Variants in SEL1L observed in about 807,000 individuals in gnomAD.
The protein encoded by SEL1L is SEL1L adaptor subunit of SYVN1 ubiquitin ligase.
In SEL1L, 52 loss-of-function variants were observed where a neutral mutation model predicts 109.8. The ratio of observed to expected loss-of-function variants is 0.47; its 90% CI spans 0.38 to 0.60. The LOEUF (loss-of-function observed/expected upper bound fraction) is 0.60, where lower values mean the gene tolerates loss of function less well. Among genes scored for constraint, SEL1L ranks in the 20% least tolerant of loss-of-function variants. SEL1L has a pLI of 0.00. For synonymous variants in SEL1L, 373 were observed against 339.6 expected (o/e 1.10, Z -1.08); for missense variants, 749 against 962.2 (o/e 0.78, Z 2.93).
chr14:81,524,269 G>A (rs760820919), intron 3 of SEL1L, among the ~76,000 whole-genome samples: 7 of 152,166 alleles, frequency 4.6e-5, no homozygotes, highest in Non-Finnish European at 7.3e-5. Flanking sequence ...TGAGATCAGG[G>A]TGATACCACC....
intron 2 of SEL1L, 77 bp downstream of exon 2, chr14:81,527,624 A>G: frequency 9.5e-7 from 1 of 1,056,354 alleles, no homozygotes; most frequent in African/African-American, 1.6e-5. Flanking sequence ...TGCAGACCTC[A>G]TATCCTTTCT....
intron 5 of SEL1L, among the ~76,000 whole-genome samples, chr14:81,503,193 T>G (rs1049175730): frequency 1.3e-5 from 2 of 152,144 alleles, no homozygotes; most frequent in African/African-American, 4.8e-5. Flanking sequence ...GGTTTCACCA[T>G]GTTGGTCAGG....
At chr14:81,480,408 C>A (rs1292374707) in intron 19 of SEL1L, among the ~76,000 whole-genome samples, 2 of 152,158 alleles carry the variant, frequency 1.3e-5, no homozygotes, top group African/African-American at 2.4e-5. Context: ...CCAGGATGGT[C>A]TCGATCTCCT....
intron 3 of SEL1L, among the ~76,000 whole-genome samples, chr14:81,523,437 C>T (rs1457773801): frequency 1.3e-5 from 2 of 152,026 alleles, no homozygotes; most frequent in Admixed American, 6.6e-5. Context: ...CTCTGCAGTC[C>T]TTCTCCCATA....
chr14:81,521,967 G>A (rs756256175), intron 3 of SEL1L, among the ~76,000 whole-genome samples: 14 of 152,042 alleles, frequency 9.2e-5, no homozygotes, highest in Admixed American at 4.6e-4. Context: ...CTGTGTAGGC[G>A]TAGGCTAATG....
At chr14:81,523,170 C>T (rs556089532) in intron 3 of SEL1L, among the ~76,000 whole-genome samples, 1 of 152,244 alleles carries the variant, frequency 6.6e-6, no homozygotes, top group East Asian at 1.9e-4. Context: ...TGGGATAGGA[C>T]TTGGTTGCCA....
Position 81,479,602 on chromosome 14 carries a change from G to T in SEL1L, c.2175+10C>A. ...TTATATTTTAATGAAAAGAGGTACG[G>T]ACCACTTACGTTTGTTTCCCGTATG... On this transcript the variant is annotated intron_variant, in intron 20 of 20. Transcript: ENST00000336735. 1 of 1,601,198 alleles carries T rather than the reference G, an allele frequency of 6.2e-7. No homozygotes were observed. Among genetic ancestry groups the T allele is most frequent in the South Asian group, 1.1e-5 (1 of 88,564 alleles).
intron 3 of SEL1L, among the ~76,000 whole-genome samples, chr14:81,515,939 A>G (rs1328122026): frequency 6.6e-6 from 1 of 152,206 alleles, no homozygotes; most frequent in Admixed American, 6.5e-5. Context: ...CCTCCAGACA[A>G]ACAAACCTTG....
Position 81,475,668 on chromosome 14 carries a change from TTTAA to T in SEL1L, c.*1300_*1303del, listed in dbSNP as rs1447553740. 6.6e-6 allele frequency: 1 copy of T among 152,238 alleles called. No homozygotes were observed. Among genetic ancestry groups the T allele is most frequent in the African/African-American group, 2.4e-5 (1 of 41,460 alleles). The allele number at this position is 152,238 out of a possible 1,614,324, so 9.4% of individuals were successfully genotyped here. A position where few individuals can be genotyped will look rare whatever the true frequency, so the allele number is the denominator to read the frequency against. On this transcript the variant is annotated 3_prime_UTR_variant, in exon 21 of 21. Transcript: ENST00000336735. The stretch of plus-strand genomic sequence containing the variant: ...AATGAAATACAAATTCAGTTTAAGC[TTTAA>T]TTATTTCACGTGTGTAATTATGTGA...
At chr14:81,506,006 A>G in intron 4 of SEL1L, 68 bp downstream of exon 4, 1 of 1,439,910 alleles carries the variant, frequency 6.9e-7, no homozygotes, top group Non-Finnish European at 9.4e-7. Context: ...ATGGCTAGAA[A>G]AAGGCCTTAA....
chr14:81,508,769 A>G (rs1884343365), intron 3 of SEL1L, among the ~76,000 whole-genome samples: 1 of 152,236 alleles, frequency 6.6e-6, no homozygotes, highest in Non-Finnish European at 1.5e-5. Flanking sequence ...GTTTAAAAGA[A>G]TTAACACTTC....
intron 3 of SEL1L, among the ~76,000 whole-genome samples, chr14:81,508,002 T>C (rs1197174879): frequency 2.0e-5 from 3 of 152,214 alleles, no homozygotes; most frequent in South Asian, 2.1e-4. Flanking sequence ...ACAGTCCTTA[T>C]TGTTTGCAAA....
At chr14:81,511,986 T>C (rs975264360) in intron 3 of SEL1L, among the ~76,000 whole-genome samples, 5 of 152,204 alleles carry the variant, frequency 3.3e-5, no homozygotes, top group African/African-American at 1.2e-4. Flanking sequence ...AAAAAAGAAG[T>C]TCTGGACCTT....
chr14:81,474,903 T>A lies in SEL1L; in HGVS notation c.*2069A>T, dbSNP rs1258876437. 1.3e-5 allele frequency: 2 copies of A among 152,204 alleles called. No homozygotes were observed. The highest frequency in any genetic ancestry group is 2.9e-5 in the Non-Finnish European group (2 of 68,040). The allele number at this position is 152,204 out of a possible 1,614,324, so 9.4% of individuals were successfully genotyped here. On this transcript the variant is annotated 3_prime_UTR_variant, in exon 21 of 21. Transcript: ENST00000336735. Reference sequence around the variant, plus strand: ...CCAGCCTTAGGTGGCACACACTGTTTTAAGAAATGTTTTCTCAAAGCACGT... The same window carrying A: ...CCAGCCTTAGGTGGCACACACTGTTATAAGAAATGTTTTCTCAAAGCACGT...
chr14:81,509,958 G>A (rs751036641), intron 3 of SEL1L, among the ~76,000 whole-genome samples: 1 of 152,128 alleles, frequency 6.6e-6, no homozygotes, highest in Non-Finnish European at 1.5e-5. Flanking sequence ...ATACACTATG[G>A]GGCAGCCATT....
chr14:81,496,140 G>T (rs1051998826), intron 10 of SEL1L, among the ~76,000 whole-genome samples: 2 of 151,934 alleles, frequency 1.3e-5, no homozygotes, highest in African/African-American at 4.8e-5. Context: ...TGGATAACAT[G>T]GTGAAACCCT....
chr14:81,491,819 TAA>T lies in SEL1L; in HGVS notation c.1254+659_1254+660del, dbSNP rs531180198. ...AGAGGTGGGTCATGGCTATCACATT[TAA>T]GACAATTAAAAACTCTGCAGATAAA... On this transcript the variant is annotated intron_variant, in intron 12 of 20. Coordinates refer to ENST00000336735, the MANE Select transcript of SEL1L (RefSeq NM_005065.6). 3.9e-5 allele frequency among the ~76,000 whole-genome samples: 6 copies of T among 152,342 alleles called. No individual in the cohort carries two copies. The East Asian group carries it at 1.2e-3, about 29-fold the overall frequency.
At chr14:81,530,857 A>G (rs1013825963) in intron 1 of SEL1L, among the ~76,000 whole-genome samples, 10 of 152,362 alleles carry the variant, frequency 6.6e-5, no homozygotes, top group African/African-American at 2.4e-4. Flanking sequence ...TGTTGTTCCT[A>G]AGCTACAAAT....
chr14:81,516,631 CAT>C (rs1361014039), intron 3 of SEL1L, among the ~76,000 whole-genome samples: 9 of 152,176 alleles, frequency 5.9e-5, no homozygotes, highest in Non-Finnish European at 2.9e-5. Context: ...ACCGTACAAA[CAT>C]GTGGTTTACA....
Sources: allele counts gnomAD v4.1 joint callset (sites outside exome capture counted in the v4.1 genomes callset), GRCh38; gene constraint gnomAD v4.1.1; transcripts MANE v1.5; gene names NCBI Gene and HGNC (gene_info 2026-07-23, HGNC 2026-07-21).